The following MPP7 variants were observed in gnomAD, a reference collection of about 807,000 sequenced individuals.
The protein encoded by MPP7 is MAGUK p55 scaffold protein 7.
In MPP7, 60 loss-of-function variants were observed where a neutral mutation model predicts 76.5. That is an observed-to-expected ratio of 0.78 (90% CI 0.64 to 0.97). MPP7 has a LOEUF of 0.97. MPP7 is among the 50% of genes least tolerant of loss of function. MPP7 has a pLI of 0.00. For missense variants in MPP7, 641 were observed against 694.0 expected, an observed-to-expected ratio of 0.92 and a Z score of 0.86; for synonymous variants, 237 against 244.5, an observed-to-expected ratio of 0.97 and a Z score of 0.29.
At chr10:28,159,515 C>A (rs1201716043) in intron 3 of MPP7, among the ~76,000 whole-genome samples, 1 of 152,134 alleles carries the variant, frequency 6.6e-6, no homozygotes, top group Non-Finnish European at 1.5e-5. Flanking sequence ...TCATTTCTGG[C>A]TACAAAGGAA....
intron 1 of MPP7, among the ~76,000 whole-genome samples, chr10:28,248,580 G>A (rs935085843): frequency 1.3e-5 from 2 of 152,070 alleles, no homozygotes; most frequent in Non-Finnish European, 2.9e-5. Flanking sequence ...TGAGCTATGC[G>A]TATTTCACTC....
At chr10:28,099,576 G>A (rs763951199) in intron 11 of MPP7, among the ~76,000 whole-genome samples, 2 of 152,066 alleles carry the variant, frequency 1.3e-5, no homozygotes, top group South Asian at 2.1e-4. Flanking sequence ...AGGCCGAGGC[G>A]GGTGGATCAC....
intron 12 of MPP7, among the ~76,000 whole-genome samples, chr10:28,077,410 A>G (rs1397746511): frequency 6.6e-6 from 1 of 152,164 alleles, no homozygotes; most frequent in East Asian, 1.9e-4. Context: ...TCTTACTGCC[A>G]AATTGTCCAG....
At chr10:28,245,316 C>T (rs898309898) in intron 1 of MPP7, among the ~76,000 whole-genome samples, 4 of 152,114 alleles carry the variant, frequency 2.6e-5, no homozygotes, top group African/African-American at 9.7e-5. Context: ...AATTAACGTA[C>T]ATCAATATAA....
intron 1 of MPP7, among the ~76,000 whole-genome samples, chr10:28,280,710 C>A (rs1840643683): frequency 2.0e-5 from 3 of 152,054 alleles, no homozygotes; most frequent in Non-Finnish European, 4.4e-5. Flanking sequence ...TAAAGGCAGG[C>A]TAGGGCGCAG....
intron 3 of MPP7, among the ~76,000 whole-genome samples, chr10:28,150,810 G>A (rs113848781): frequency 1.4e-4 from 22 of 152,030 alleles, no homozygotes; most frequent in African/African-American, 5.3e-4. Context: ...GAAACACAAA[G>A]GCAAGAATCT....
chr10:28,126,432 G>A (rs1835019778), intron 6 of MPP7, among the ~76,000 whole-genome samples: 1 of 152,184 alleles, frequency 6.6e-6, no homozygotes, highest in Non-Finnish European at 1.5e-5. Context: ...GAAAAGCCTA[G>A]TAATCTAAGT....
At chr10:28,184,859 TATG>T (rs1351427449) in intron 3 of MPP7, among the ~76,000 whole-genome samples, 2 of 143,736 alleles carry the variant, frequency 1.4e-5, no homozygotes, top group African/African-American at 5.0e-5. Context: ...CTTAATATAT[TATG>T]ATTTTTATGA....
At chr10:28,190,094 T>C (rs1377542748) in intron 3 of MPP7, among the ~76,000 whole-genome samples, 2 of 152,058 alleles carry the variant, frequency 1.3e-5, no homozygotes, top group African/African-American at 2.4e-5. Context: ...TATTACATAA[T>C]GAAAAGGGCA....
At chr10:28,089,921 G>A (rs1334927828) in intron 11 of MPP7, 80 bp from the exon 12 acceptor site, 4 of 781,910 alleles carry the variant, frequency 5.1e-6, no homozygotes, top group Non-Finnish European at 7.9e-6. Context: ...CCTCAGAGTT[G>A]GGTTGGATTT....
In MPP7 at chr10:28,052,808, C is replaced by A. The variant is rs930632655; in HGVS notation, c.*1257G>T. 4 of 151,892 alleles carry A rather than the reference C, an allele frequency of 2.6e-5. No homozygotes were observed. Among genetic ancestry groups the A allele is most frequent in the African/African-American group, 9.7e-5 (4 of 41,302 alleles). 9.4% of individuals were successfully genotyped at this position (151,892 alleles called of 1,614,324 possible). On this transcript the variant is annotated 3_prime_UTR_variant, in exon 17 of 17. Transcript: ENST00000683449. ...ATTTTTTTTTCCACTTTGAAAGTCACAGATGCAATGATTTTCGACGGGCAG... is the reference window on the plus strand; with the variant it reads ...ATTTTTTTTTCCACTTTGAAAGTCAAAGATGCAATGATTTTCGACGGGCAG...
intron 14 of MPP7, among the ~76,000 whole-genome samples, chr10:28,059,315 T>C (rs1335739703): frequency 6.6e-6 from 1 of 152,136 alleles, no homozygotes; most frequent in East Asian, 1.9e-4. Flanking sequence ...TACTACATAG[T>C]TGTTGGTTTT....
chr10:28,197,547 G>A (rs1349940496), intron 3 of MPP7, among the ~76,000 whole-genome samples: 3 of 152,020 alleles, frequency 2.0e-5, no homozygotes, highest in Non-Finnish European at 4.4e-5. Context: ...TCCATGAACC[G>A]CCCCCTCTGA....
chr10:28,096,934 T>C (rs937433526), intron 11 of MPP7, among the ~76,000 whole-genome samples: 1 of 152,210 alleles, frequency 6.6e-6, no homozygotes, highest in African/African-American at 2.4e-5. Context: ...GGTACATTAT[T>C]ATGCCATGAC....
Position 28,262,228 on chromosome 10 carries a change from T to TATAC in MPP7, c.-131-23494_-131-23493insGTAT, listed in dbSNP as rs1564741405. 1.5e-3 allele frequency among the ~76,000 whole-genome samples: 48 copies of TATAC among 31,286 alleles called. 1 individual carries two copies. The East Asian group carries it at 0.048, about 31-fold the overall frequency. 20.5% of individuals were successfully genotyped at this position (31,286 alleles called of 152,430 possible). A position where few individuals can be genotyped will look rare whatever the true frequency, so the allele number is the denominator to read the frequency against. On this transcript the variant is annotated intron_variant, in intron 1 of 16. Coordinates refer to ENST00000683449, the MANE Select transcript of MPP7 (RefSeq NM_001318170.2). The stretch of plus-strand genomic sequence containing the variant: ...ATATACATATATATATATATATACA[T>TATAC]ATATATATATATATACATATATATA...
intron 1 of MPP7, among the ~76,000 whole-genome samples, chr10:28,246,911 G>A (rs1839453307): frequency 6.6e-6 from 1 of 152,064 alleles, no homozygotes. Context: ...TTCCCATAAT[G>A]ACAAGTCCAT....
chr10:28,141,603 T>C (rs1835520805), intron 5 of MPP7, among the ~76,000 whole-genome samples: 3 of 152,098 alleles, frequency 2.0e-5, no homozygotes, highest in Non-Finnish European at 2.9e-5. Context: ...TATGTGTAGA[T>C]GTGTGTATAC....
rs1259036878 is a variant in MPP7, at chr10:28,115,092, GT to G, written c.952+4558del. ...AGGTTTTTTGTTTGTTTGTTTGTTT[GT>G]TTTGTTTTTTGTTTTTGTTTTTTTT... On this transcript the variant is annotated intron_variant, in intron 11 of 16. Coordinates refer to ENST00000683449, the MANE Select transcript of MPP7 (RefSeq NM_001318170.2). Among the ~76,000 whole-genome samples the G allele has an allele frequency of 1.3e-4, 19 of 148,632 alleles. No individual in the cohort carries two copies. In the East Asian group the frequency reaches 1.7e-3, roughly 13 times the overall value.
intron 5 of MPP7, among the ~76,000 whole-genome samples, chr10:28,145,102 A>T (rs1315101742): frequency 6.6e-6 from 1 of 152,088 alleles, no homozygotes; most frequent in African/African-American, 2.4e-5. Context: ...TTTAGTAGAG[A>T]CGGGGTTTCA....
Sources: gnomAD v4.1 joint callset for allele counts (sites outside exome capture counted in the v4.1 genomes callset) on GRCh38, gnomAD v4.1.1 for gene constraint, MANE v1.5 for transcripts, NCBI Gene and HGNC (gene_info 2026-07-23, HGNC 2026-07-21) for gene names.